Variants in DHRS12 observed in about 807,000 individuals in gnomAD.
DHRS12 encodes the protein dehydrogenase/reductase 12, also known as dehydrogenase/reductase SDR family member 12.
A neutral mutation model predicts 32.1 loss-of-function variants in DHRS12; 29 were observed. That is an observed-to-expected ratio of 0.90 (90% CI 0.67 to 1.23). DHRS12 has a LOEUF of 1.23. DHRS12 is among the 50% of genes most tolerant of loss of function. DHRS12 has a pLI of 0.00. For missense variants in DHRS12, 330 were observed against 337.2 expected (o/e 0.98, Z 0.17); for synonymous variants, 150 against 135.9 (o/e 1.10, Z -0.72).
At chr13:51,789,931 G>T in intron 4 of DHRS12, 80 bp downstream of exon 4, 2 of 1,457,740 alleles carry the variant, frequency 1.4e-6, no homozygotes, top group Admixed American at 2.7e-5. Flanking sequence ...CAAAAAAGTT[G>T]GTCAATTTTT....
chr13:51,771,544 T>C (rs1954016777), intron 7 of DHRS12: 7 of 1,608,612 alleles, frequency 4.4e-6, no homozygotes, highest in Non-Finnish European at 5.9e-6. Flanking sequence ...CACCAGGATA[T>C]GCTGTAGTTA....
intron 4 of DHRS12, among the ~76,000 whole-genome samples, chr13:51,780,057 G>A (rs1758105550): frequency 6.6e-6 from 1 of 152,020 alleles, no homozygotes; most frequent in Admixed American, 6.6e-5. Context: ...CACACCTGTA[G>A]TCCCAGCTAC....
chr13:51,755,721 C>A, the DHRS12 span, among the ~76,000 whole-genome samples: 19 of 152,310 alleles, frequency 1.2e-4, no homozygotes, highest in South Asian at 1.2e-3. Context: ...GTGCACCTTA[C>A]AATTAGAGGT....
the DHRS12 span, chr13:51,755,453 AAGAC>A: frequency 1.9e-6 from 3 of 1,614,060 alleles, no homozygotes; most frequent in Admixed American, 1.7e-5. Context: ...AAATTGGTCT[AAGAC>A]AGGTGAGTGA....
chr13:51,776,022 TCTC>T (rs574226862), intron 5 of DHRS12: 1 of 133,768 alleles, frequency 7.5e-6, no homozygotes, highest in Non-Finnish European at 1.6e-5. Flanking sequence ...CTACATGTAT[TCTC>T]CTACATGTAT....
chr13:51,793,073 GCCAC>G (rs1472913348), intron 2 of DHRS12, among the ~76,000 whole-genome samples: 2 of 152,106 alleles, frequency 1.3e-5, no homozygotes, highest in African/African-American at 4.8e-5. Context: ...ACTGGACACA[GCCAC>G]CTCCCCAGCA....
intron 4 of DHRS12, chr13:51,777,405 C>T (rs1954486319): frequency 2.3e-6 from 1 of 437,288 alleles, no homozygotes; most frequent in Non-Finnish European, 4.1e-6. Flanking sequence ...TAGATGGGTC[C>T]ACTTTGCAGA....
intron 4 of DHRS12, among the ~76,000 whole-genome samples, chr13:51,778,503 G>A (rs980229306): frequency 1.3e-5 from 2 of 152,116 alleles, no homozygotes; most frequent in African/African-American, 4.8e-5. Context: ...ATTCACCGCC[G>A]GTGGCTTTCT....
In DHRS12 at chr13:51,799,601, T is replaced by G. The variant is rs1278090365; in HGVS notation, c.59A>C (p.Glu20Ala). ...TGTTTCCTCCAGTGACCAAAAAGACTCTTCCAGGAATCTGGACCTCCAAGT... is the reference window on the plus strand; with the variant it reads ...TGTTTCCTCCAGTGACCAAAAAGACGCTTCCAGGAATCTGGACCTCCAAGT... ...LMTWRSRFLEESFWSLEETAA... is the reference protein window; with the variant it reads ...LMTWRSRFLEASFWSLEETAA... The change falls in exon 2 of 9, where the codon GAG (glutamate) becomes GCG (alanine). Residue 20 changes from glutamate to alanine, a missense_variant. Glu to Ala is a moderately radical substitution (Grantham distance 107). Coordinates refer to ENST00000444610, the MANE Select transcript of DHRS12 (RefSeq NM_001377533.1). 3.1e-6 allele frequency: 5 copies of G among 1,614,006 alleles called. No homozygotes were observed. The highest frequency in any genetic ancestry group is 4.2e-6 in the Non-Finnish European group (5 of 1,179,990).
chr13:51,758,857 A>G, the DHRS12 span, among the ~76,000 whole-genome samples: 1 of 152,196 alleles, frequency 6.6e-6, no homozygotes, highest in Non-Finnish European at 1.5e-5. Flanking sequence ...TTTGGAAGCT[A>G]CCAGATCTCC....
At chr13:51,776,062 T>TCCTATGGTTCTGGAGCCC (rs1566281219) in intron 5 of DHRS12, 2 of 106,690 alleles carry the variant, frequency 1.9e-5, no homozygotes, top group African/African-American at 8.1e-5. Context: ...ACATGTATTC[T>TCCTATGGTTCTGGAGCCC]ACAGTATTCT....
chr13:51,759,693 C>T, the DHRS12 span: 2 of 1,604,784 alleles, frequency 1.2e-6, no homozygotes, highest in Admixed American at 1.7e-5. Context: ...GACTGTTATC[C>T]TCAACACAAT....
chr13:51,759,711 C>A, the DHRS12 span: 1 of 1,612,546 alleles, frequency 6.2e-7, no homozygotes, highest in Non-Finnish European at 8.5e-7. Flanking sequence ...AATTTTAGTT[C>A]ATTCTGTATC....
In DHRS12 at chr13:51,804,071, C is replaced by T; in HGVS notation, c.-26G>A. The T allele has an allele frequency of 6.7e-7, 1 of 1,492,648 alleles. No individual in the cohort carries two copies. The highest frequency in any genetic ancestry group is 8.9e-7 in the Non-Finnish European group (1 of 1,128,034). The allele number at this position is 1,492,648 out of a possible 1,614,324, so 92.5% of individuals were successfully genotyped here. A position where few individuals can be genotyped will look rare whatever the true frequency, so the allele number is the denominator to read the frequency against. Reference sequence around the variant, plus strand: ...CGCCTTACTTGGTGTACTCGCGCAGCCCCTTGGCGAACCACACGACGCTGC... The same window carrying T: ...CGCCTTACTTGGTGTACTCGCGCAGTCCCTTGGCGAACCACACGACGCTGC... On this transcript the variant is annotated 5_prime_UTR_variant, in exon 1 of 9. Coordinates refer to ENST00000444610, the MANE Select transcript of DHRS12 (RefSeq NM_001377533.1).
At chr13:51,778,562 G>C (rs1371299165) in intron 4 of DHRS12, among the ~76,000 whole-genome samples, 1 of 152,128 alleles carries the variant, frequency 6.6e-6, no homozygotes, top group Non-Finnish European at 1.5e-5. Flanking sequence ...GCGATCTGCC[G>C]CATCAGCTTG....
At chr13:51,768,451 G>A (rs1054539652) in intron 8 of DHRS12, 155 bp from the exon 9 acceptor site, 1 of 1,449,898 alleles carries the variant, frequency 6.9e-7, no homozygotes, top group South Asian at 1.4e-5. Flanking sequence ...GTCCCACAGG[G>A]ATCAGGCAGC....
At chr13:51,774,335 A>AT (rs200026779) in intron 5 of DHRS12, 1 of 147,446 alleles carries the variant, frequency 6.8e-6, no homozygotes, top group Non-Finnish European at 1.5e-5. Flanking sequence ...ATTCTCCTAC[A>AT]GTATTCTCCT....
At chr13:51,801,427 A>T (rs972121427) in intron 1 of DHRS12, among the ~76,000 whole-genome samples, 3 of 152,158 alleles carry the variant, frequency 2.0e-5, no homozygotes, top group African/African-American at 7.2e-5. Context: ...ACCTCAGGTG[A>T]TCCACCCACC....
intron 1 of DHRS12, 106 bp downstream of exon 1, chr13:51,803,948 C>A (rs1286775279): frequency 6.5e-5 from 71 of 1,087,322 alleles, no homozygotes; most frequent in Non-Finnish European, 8.3e-5. Flanking sequence ...GTCGGCCCAG[C>A]GAGAGGGCGA....
Sources: allele counts gnomAD v4.1 joint callset (sites outside exome capture counted in the v4.1 genomes callset), GRCh38; gene constraint gnomAD v4.1.1; transcripts MANE v1.5; gene names NCBI Gene and HGNC (gene_info 2026-07-23, HGNC 2026-07-21).